The following BRAF variants were observed in gnomAD, a reference collection of about 807,000 sequenced individuals.
The protein encoded by BRAF is B-Raf proto-oncogene, serine/threonine kinase, also known as serine/threonine-protein kinase B-raf.
A neutral mutation model predicts 104.6 loss-of-function variants in BRAF; 16 were observed. The observed-to-expected ratio is 0.15, with a 90% CI of 0.10 to 0.23. BRAF has a LOEUF of 0.23. BRAF is among the 10% of genes least tolerant of loss of function. The probability of loss-of-function intolerance (pLI) is 1.00; values close to 1 mark genes in which losing one functional copy is unlikely to be tolerated. For synonymous variants in BRAF, 310 were observed against 341.6 expected (o/e 0.91, Z 1.02); for missense variants, 541 against 937.3 (o/e 0.58, Z 5.52).
At position 140,825,834 on chromosome 7, in the gene BRAF, C is replaced by T. The variant is rs117538347; in HGVS notation, c.504+8775G>A. On this transcript the variant is annotated intron_variant, in intron 3 of 19. Coordinates refer to ENST00000644969, the MANE Select transcript of BRAF (RefSeq NM_001374258.1). ...TTCTATATAATTTTTTCCCTGAGTGCTTTTAAAACAATATTCTTTGGTTTT... is the reference window on the plus strand; with the variant it reads ...TTCTATATAATTTTTTCCCTGAGTGTTTTTAAAACAATATTCTTTGGTTTT... Among the ~76,000 whole-genome samples, 900 of 152,172 alleles carry T rather than the reference C, an allele frequency of 5.9e-3. 8 individuals are homozygous for T. Among genetic ancestry groups the T allele is most frequent in the Middle Eastern group, 0.031 (9 of 294 alleles).
intron 14 of BRAF, among the ~76,000 whole-genome samples, chr7:140,764,771 A>G (rs1357141431): frequency 2.0e-5 from 3 of 151,932 alleles, no homozygotes; most frequent in Non-Finnish European, 2.9e-5. Context: ...AAGGAGAACT[A>G]CAAACCACTG....
chr7:140,883,366 T>C (rs189403389), intron 1 of BRAF, among the ~76,000 whole-genome samples: 29 of 152,356 alleles, frequency 1.9e-4, no homozygotes, highest in Admixed American at 1.4e-3. Flanking sequence ...CAGTTAGCCA[T>C]GTAAGCTTTC....
chr7:140,817,020 C>T (rs985731327), intron 3 of BRAF, among the ~76,000 whole-genome samples: 2 of 151,766 alleles, frequency 1.3e-5, no homozygotes, highest in Admixed American at 1.3e-4. Context: ...GTCAAATTAT[C>T]CTTGTTTGTG....
chr7:140,904,363 G>A (rs955861554), intron 1 of BRAF, among the ~76,000 whole-genome samples: 1 of 151,866 alleles, frequency 6.6e-6, no homozygotes, highest in Non-Finnish European at 1.5e-5. Context: ...AGATCTAGAA[G>A]TTTAATGAAA....
chr7:140,717,859 C>T (rs1293075511), downstream of BRAF, among the ~76,000 whole-genome samples: 1 of 152,126 alleles, frequency 6.6e-6, no homozygotes, highest in Non-Finnish European at 1.5e-5. Context: ...AAGAGAAAAA[C>T]TGCAGTTCAT....
At chr7:140,806,637 T>C (rs1803686211) in intron 5 of BRAF, among the ~76,000 whole-genome samples, 1 of 152,200 alleles carries the variant, frequency 6.6e-6, no homozygotes, top group Admixed American at 6.6e-5. Flanking sequence ...AGAAACAGAG[T>C]AGTAATCACT....
chr7:140,883,668 G>A (rs1813196978), intron 1 of BRAF, among the ~76,000 whole-genome samples: 1 of 152,194 alleles, frequency 6.6e-6, no homozygotes, highest in African/African-American at 2.4e-5. Flanking sequence ...TTTGAATGGT[G>A]AATATATCCT....
At chr7:140,777,956 C>T (rs71645981) in intron 13 of BRAF, 35 bp downstream of exon 12, 1 of 1,599,034 alleles carries the variant, frequency 6.3e-7, no homozygotes, top group Non-Finnish European at 8.6e-7. Flanking sequence ...AAAATAACTT[C>T]TTTCTCTGGA....
At chr7:140,801,175 GATTA>G (rs1586212336) in intron 6 of BRAF, 3 of 465,084 alleles carry the variant, frequency 6.5e-6, no homozygotes, top group Non-Finnish European at 1.1e-5. Flanking sequence ...TAGGGGTCTT[GATTA>G]ATTAAACGAT....
downstream of BRAF, among the ~76,000 whole-genome samples, chr7:140,718,189 G>C (rs990711142): frequency 1.3e-5 from 2 of 152,172 alleles, no homozygotes; most frequent in African/African-American, 4.8e-5. Context: ...CCGCCTCCCA[G>C]GTTCAAGCGA....
rs1183504080 is a variant in BRAF, at chr7:140,725,433, T to C, written c.*1061A>G. 1.9e-5 allele frequency: 18 copies of C among 948,724 alleles called. No homozygotes were observed. The highest frequency in any genetic ancestry group is 2.3e-5 in the Non-Finnish European group (18 of 779,936). The allele number at this position is 948,724 out of a possible 1,614,324, so 58.8% of individuals were successfully genotyped here. A position where few individuals can be genotyped will look rare whatever the true frequency, so the allele number is the denominator to read the frequency against. On this transcript the variant is annotated 3_prime_UTR_variant, in exon 20 of 20. Transcript: ENST00000644969. Reference sequence around the variant, plus strand: ...ATTCTGGTGGGAAGTATTGTTTTTTTCCAATTCAATTAAATCTGAAAATTA... The same window carrying C: ...ATTCTGGTGGGAAGTATTGTTTTTTCCCAATTCAATTAAATCTGAAAATTA...
chr7:140,912,942 T>A (rs1368788064), intron 1 of BRAF, among the ~76,000 whole-genome samples: 2 of 152,190 alleles, frequency 1.3e-5, no homozygotes, highest in Non-Finnish European at 2.9e-5. Context: ...CCTTCCCTAA[T>A]CCCCTAGTCT....
chr7:140,826,472 T>G (rs575749169), intron 3 of BRAF, among the ~76,000 whole-genome samples: 59 of 152,330 alleles, frequency 3.9e-4, no homozygotes, highest in African/African-American at 1.4e-3. Flanking sequence ...TTTCTCTGCA[T>G]GTTGATTTCC....
chr7:140,853,911 A>C (rs965618690), intron 1 of BRAF, among the ~76,000 whole-genome samples: 3 of 152,154 alleles, frequency 2.0e-5, no homozygotes, highest in Non-Finnish European at 4.4e-5. Context: ...TTTCTGATTT[A>C]TCCCCAGAGC....
chr7:140,833,568 A>G (rs1807015712), intron 3 of BRAF, among the ~76,000 whole-genome samples: 1 of 152,240 alleles, frequency 6.6e-6, no homozygotes, highest in Non-Finnish European at 1.5e-5. Context: ...TATTCTACCC[A>G]ACAGAATAAA....
intron 1 of BRAF, among the ~76,000 whole-genome samples, chr7:140,854,882 T>C (rs1362803075): frequency 1.3e-5 from 2 of 151,828 alleles, no homozygotes; most frequent in Non-Finnish European, 2.9e-5. Context: ...GAGGCGGAGG[T>C]TGCAGTGAGC....
At chr7:140,734,576 G>A (rs747927754) in intron 19 of BRAF, 2 of 1,613,612 alleles carry the variant, frequency 1.2e-6, no homozygotes, top group African/African-American at 1.3e-5. Flanking sequence ...CTACTCTCCT[G>A]AACTCTCTCA....
chr7:140,767,913 T>C (rs1402072751), intron 14 of BRAF, among the ~76,000 whole-genome samples: 4 of 152,180 alleles, frequency 2.6e-5, no homozygotes, highest in African/African-American at 9.7e-5. Context: ...TAAGTGCATA[T>C]CATTGCTAAA....
chr7:140,865,128 A>G (rs1810813712), intron 1 of BRAF, among the ~76,000 whole-genome samples: 1 of 150,996 alleles, frequency 6.6e-6, no homozygotes, highest in African/African-American at 2.5e-5. Flanking sequence ...TGCCCAGGCC[A>G]GAGAGCAGTA....
Sources: allele counts gnomAD v4.1 joint callset (sites outside exome capture counted in the v4.1 genomes callset), GRCh38; gene constraint gnomAD v4.1.1; transcripts MANE v1.5; gene names NCBI Gene and HGNC (gene_info 2026-07-23, HGNC 2026-07-21).